Variants in ARHGAP15 observed in about 807,000 individuals in gnomAD.
ARHGAP15 encodes the protein Rho GTPase activating protein 15, also known as rho GTPase-activating protein 15.
A neutral mutation model predicts 63.7 loss-of-function variants in ARHGAP15; 51 were observed. That is an observed-to-expected ratio of 0.80 (90% CI 0.64 to 1.01). ARHGAP15 has a LOEUF of 1.01. ARHGAP15 is among the 50% of genes least tolerant of loss of function. ARHGAP15 has a pLI of 0.00. For synonymous variants in ARHGAP15, 191 were observed against 193.8 expected (o/e 0.99, Z 0.12); for missense variants, 560 against 564.6 (o/e 0.99, Z 0.08).
chr2:143,473,808 C>A (rs886409200), intron 8 of ARHGAP15, among the ~76,000 whole-genome samples: 2 of 152,088 alleles, frequency 1.3e-5, no homozygotes, highest in Admixed American at 1.3e-4. Flanking sequence ...TGTGCATTTC[C>A]AATTCCTCCA....
At chr2:143,735,585 G>A (rs560850329) in intron 13 of ARHGAP15, among the ~76,000 whole-genome samples, 1 of 152,106 alleles carries the variant, frequency 6.6e-6, no homozygotes, top group Non-Finnish European at 1.5e-5. Flanking sequence ...GTCCTGGATT[G>A]AGCCCCTTAT....
At chr2:143,439,313 C>T (rs1183961525) in intron 8 of ARHGAP15, among the ~76,000 whole-genome samples, 2 of 149,698 alleles carry the variant, frequency 1.3e-5, no homozygotes, top group East Asian at 4.0e-4. Flanking sequence ...ATCCCAGCTA[C>T]TCGGGAGGCT....
At chr2:143,425,997 A>C (rs1285730006) in intron 6 of ARHGAP15, among the ~76,000 whole-genome samples, 1 of 152,186 alleles carries the variant, frequency 6.6e-6, no homozygotes, top group Non-Finnish European at 1.5e-5. Flanking sequence ...GCAGAGAAGG[A>C]AATAGATACC....
chr2:143,621,512 C>G (rs1170426351), intron 11 of ARHGAP15, among the ~76,000 whole-genome samples: 2 of 152,066 alleles, frequency 1.3e-5, no homozygotes, highest in Non-Finnish European at 2.9e-5. Context: ...GGATCTTAAC[C>G]TTGGTTGATT....
chr2:143,603,699 AGTTT>A (rs1190528916), intron 11 of ARHGAP15, among the ~76,000 whole-genome samples: 3 of 152,208 alleles, frequency 2.0e-5, no homozygotes, highest in Non-Finnish European at 4.4e-5. Flanking sequence ...TTACAGATTT[AGTTT>A]GTTTGGTGAA....
intron 8 of ARHGAP15, among the ~76,000 whole-genome samples, chr2:143,457,907 T>TA (rs575545036): frequency 4.7e-4 from 72 of 151,936 alleles, no homozygotes; most frequent in African/African-American, 1.7e-3. Flanking sequence ...ATTAAAGAAG[T>TA]AAAACAATTA....
At chr2:143,655,831 C>CA (rs1029940367) in intron 12 of ARHGAP15, among the ~76,000 whole-genome samples, 5,913 of 142,568 alleles carry the variant, frequency 0.041, 348 homozygotes, top group African/African-American at 0.14. Context: ...CAAGTGATGC[C>CA]AAAAAAAAAA....
intron 12 of ARHGAP15, among the ~76,000 whole-genome samples, chr2:143,666,069 T>C (rs1462322257): frequency 6.6e-6 from 1 of 151,550 alleles, no homozygotes; most frequent in Non-Finnish European, 1.5e-5. Context: ...AAAAAACTAC[T>C]TTAAAGTTCA....
chr2:143,723,848 T>C (rs1045877670), intron 13 of ARHGAP15, among the ~76,000 whole-genome samples: 8 of 152,180 alleles, frequency 5.3e-5, no homozygotes, highest in Non-Finnish European at 1.0e-4. Context: ...AATTATCCAG[T>C]TGCCAATTTA....
chr2:143,153,873 T>TCCTCC (rs1689967986), intron 1 of ARHGAP15, among the ~76,000 whole-genome samples: 5 of 46,896 alleles, frequency 1.1e-4, no homozygotes, highest in South Asian at 6.0e-4. Flanking sequence ...CCTCCTCCTC[T>TCCTCC]TCCTCCTCCT....
chr2:143,205,391 T>A (rs778953915), intron 3 of ARHGAP15, among the ~76,000 whole-genome samples: 1 of 152,128 alleles, frequency 6.6e-6, no homozygotes, highest in Non-Finnish European at 1.5e-5. Flanking sequence ...CAGCATTTAT[T>A]TTTGTTAAGT....
chr2:143,318,057 G>A (rs371337393), intron 6 of ARHGAP15, among the ~76,000 whole-genome samples: 30 of 151,806 alleles, frequency 2.0e-4, no homozygotes, highest in South Asian at 4.2e-4. Flanking sequence ...GAAGTGCAGC[G>A]GTGTGATCTC....
At chr2:143,587,170 C>T (rs928451431) in intron 11 of ARHGAP15, among the ~76,000 whole-genome samples, 7 of 152,170 alleles carry the variant, frequency 4.6e-5, no homozygotes, top group Admixed American at 2.0e-4. Flanking sequence ...ATACTCTAAT[C>T]AGATTGTCAG....
intron 5 of ARHGAP15, among the ~76,000 whole-genome samples, chr2:143,235,277 G>A (rs1693599381): frequency 6.9e-6 from 1 of 144,888 alleles, no homozygotes; most frequent in Admixed American, 6.9e-5. Context: ...TTTTGAAGAA[G>A]GCGAGCTCAC....
intron 9 of ARHGAP15, among the ~76,000 whole-genome samples, chr2:143,512,485 C>A (rs1693632682): frequency 1.3e-5 from 2 of 152,326 alleles, no homozygotes; most frequent in African/African-American, 4.8e-5. Context: ...AGACACAGGA[C>A]CAGCAAAACC....
At chr2:143,646,955 T>G (rs1185525010) in intron 12 of ARHGAP15, among the ~76,000 whole-genome samples, 1 of 152,044 alleles carries the variant, frequency 6.6e-6, no homozygotes, top group East Asian at 1.9e-4. Context: ...TGTGTTGAGT[T>G]TCTTTTCACC....
intron 10 of ARHGAP15, among the ~76,000 whole-genome samples, chr2:143,537,226 T>C (rs1694817055): frequency 6.6e-6 from 1 of 152,136 alleles, no homozygotes; most frequent in Non-Finnish European, 1.5e-5. Context: ...GACGAGGTTG[T>C]TTGTTTTTTT....
intron 2 of ARHGAP15, among the ~76,000 whole-genome samples, chr2:143,177,346 T>C (rs1691048208): frequency 6.6e-6 from 1 of 152,164 alleles, no homozygotes; most frequent in African/African-American, 2.4e-5. Context: ...GAATAAGGGC[T>C]TAAAAGGCAA....
intron 11 of ARHGAP15, among the ~76,000 whole-genome samples, chr2:143,591,614 C>CTTTT (rs67060048): frequency 2.4e-5 from 3 of 124,070 alleles, no homozygotes; most frequent in African/African-American, 5.6e-5. Flanking sequence ...TTTGTTTGTT[C>CTTTT]TTTTTTTTTT....
Sources: gnomAD v4.1 joint callset for allele counts (sites outside exome capture counted in the v4.1 genomes callset) on GRCh38, gnomAD v4.1.1 for gene constraint, MANE v1.5 for transcripts, NCBI Gene and HGNC (gene_info 2026-07-23, HGNC 2026-07-21) for gene names.